Variants in NEK7 observed in about 807,000 individuals in gnomAD.
The protein encoded by NEK7 is serine/threonine-protein kinase Nek7.
Under a neutral mutation model 44.6 loss-of-function variants are expected in NEK7, and 18 were observed. The observed-to-expected ratio is 0.40, with a 90% confidence interval of 0.28 to 0.60. The LOEUF is 0.60. NEK7 is among the 20% of genes least tolerant of loss of function. NEK7 has a pLI of 0.38. For missense variants in NEK7, 256 were observed against 366.5 expected, an observed-to-expected ratio of 0.70 and a Z score of 2.46; for synonymous variants, 130 against 121.1, an observed-to-expected ratio of 1.07 and a Z score of -0.48.
At position 198,212,237 on chromosome 1, in the gene NEK7, C is replaced by CTGTA. The variant is rs150478586; in HGVS notation, c.-28-20315_-28-20312dup. On this transcript the variant is annotated intron_variant, in intron 1 of 9. Transcript: ENST00000367385. ...AACCGATGAGCAAACGAAAGGTGTGCTGTAGCCACAGGTGCAGGAGCTGGA... is the reference window on the plus strand; with the variant it reads ...AACCGATGAGCAAACGAAAGGTGTGCTGTATGTAGCCACAGGTGCAGGAGCTGGA... Among the ~76,000 whole-genome samples, 663 of 152,252 alleles carry CTGTA rather than the reference C, an allele frequency of 4.4e-3. 8 individuals are homozygous for CTGTA. Among genetic ancestry groups the CTGTA allele is most frequent in the African/African-American group, 0.016 (645 of 41,536 alleles).
At chr1:198,160,567 G>GATTA (rs1664075077) in intron 1 of NEK7, among the ~76,000 whole-genome samples, 2 of 152,130 alleles carry the variant, frequency 1.3e-5, no homozygotes, top group Non-Finnish European at 2.9e-5. Context: ...TGCCATGTAT[G>GATTA]ATTACTGTTT....
chr1:198,287,496 T>C (rs983193866), intron 7 of NEK7, among the ~76,000 whole-genome samples: 1 of 152,202 alleles, frequency 6.6e-6, no homozygotes, highest in African/African-American at 2.4e-5. Context: ...TATTTCTTTT[T>C]TGAAGAGATA....
intron 5 of NEK7, among the ~76,000 whole-genome samples, chr1:198,267,274 CTCATTCATTCATTCAT>C (rs61574788): frequency 6.6e-6 from 1 of 151,352 alleles, no homozygotes; most frequent in Non-Finnish European, 1.5e-5. Flanking sequence ...ACACCTGTTC[CTCATTCATTCATTCAT>C]TCATTCATTC....
chr1:198,160,984 C>G (rs999210826), intron 1 of NEK7, among the ~76,000 whole-genome samples: 21 of 152,178 alleles, frequency 1.4e-4, no homozygotes, highest in African/African-American at 5.1e-4. Context: ...GATCATGAAG[C>G]ATTCCTTAAT....
chr1:198,228,990 T>G (rs1666309147), intron 1 of NEK7, among the ~76,000 whole-genome samples: 1 of 152,156 alleles, frequency 6.6e-6, no homozygotes, highest in Non-Finnish European at 1.5e-5. Flanking sequence ...TTCAGTATGA[T>G]TGAAGGTCTT....
intron 1 of NEK7, among the ~76,000 whole-genome samples, chr1:198,166,500 T>A (rs1664273335): frequency 6.6e-6 from 1 of 152,178 alleles, no homozygotes; most frequent in Non-Finnish European, 1.5e-5. Flanking sequence ...TGATTTAAAG[T>A]GAGAGATGGG....
At position 198,310,340 on chromosome 1, in the gene NEK7, A is replaced by G. The variant is rs560960176; in HGVS notation, c.799-9072A>G. The stretch of plus-strand genomic sequence containing the variant: ...TTTGAGTTCATTGTAGATTCTGGAT[A>G]TTAGCCTTTGTCAGATGAGTAGGTT... On this transcript the variant is annotated intron_variant, in intron 9 of 9. Transcript: ENST00000367385. Among the ~76,000 whole-genome samples the G allele has an allele frequency of 1.2e-3, 175 of 151,904 alleles. 1 individual carries two copies. Among genetic ancestry groups the G allele is most frequent in the Non-Finnish European group, 2.1e-3 (145 of 68,002 alleles).
chr1:198,297,370 C>A, intron 9 of NEK7, 130 bp downstream of exon 9: 1 of 1,131,424 alleles, frequency 8.8e-7, no homozygotes. Flanking sequence ...CTTTTTAATT[C>A]TGTTTTCATT....
chr1:198,197,731 G>A, intron 1 of NEK7: 1 of 579,480 alleles, frequency 1.7e-6, no homozygotes, highest in South Asian at 1.7e-5. Flanking sequence ...GAAGTTCGAT[G>A]GGAGAACAGA....
intron 5 of NEK7, among the ~76,000 whole-genome samples, chr1:198,264,920 A>G (rs1653599892): frequency 6.6e-6 from 1 of 152,046 alleles, no homozygotes. Flanking sequence ...GATTGAATTA[A>G]TTAGTATTTA....
chr1:198,292,182 G>T (rs1285364142), intron 7 of NEK7, among the ~76,000 whole-genome samples: 1 of 151,930 alleles, frequency 6.6e-6, no homozygotes, highest in Non-Finnish European at 1.5e-5. Flanking sequence ...ACTTCAAAGT[G>T]TAACATATAT....
chr1:198,311,609 C>T (rs965389839), intron 9 of NEK7, among the ~76,000 whole-genome samples: 43 of 151,864 alleles, frequency 2.8e-4, no homozygotes, highest in African/African-American at 9.9e-4. Context: ...TGAGATATGT[C>T]CCATCAATAC....
At chr1:198,235,684 A>G (rs1276322722) in intron 2 of NEK7, among the ~76,000 whole-genome samples, 1 of 152,206 alleles carries the variant, frequency 6.6e-6, no homozygotes, top group Non-Finnish European at 1.5e-5. Flanking sequence ...TGGTAGAGTC[A>G]CATTTTTTTC....
At chr1:198,215,315 C>T (rs1035889080) in intron 1 of NEK7, among the ~76,000 whole-genome samples, 1 of 152,040 alleles carries the variant, frequency 6.6e-6, no homozygotes, top group African/African-American at 2.4e-5. Context: ...GGAACAGTAC[C>T]TCACATCTCA....
rs1017835771 is a variant in NEK7, at chr1:198,319,952, T to C, written c.*430T>C. On this transcript the variant is annotated 3_prime_UTR_variant, in exon 10 of 10. Transcript: ENST00000367385. ...TTTATGGACATTGAGATGAACACAA[T>C]TGTGAACTTTTGTGAAGATTTTATT... 2 of 152,698 alleles carry C rather than the reference T, an allele frequency of 1.3e-5. No homozygotes were observed. Among genetic ancestry groups the C allele is most frequent in the African/African-American group, 4.8e-5 (2 of 41,468 alleles). 9.5% of individuals were successfully genotyped at this position (152,698 alleles called of 1,614,324 possible). A position where few individuals can be genotyped will look rare whatever the true frequency, so the allele number is the denominator to read the frequency against.
At chr1:198,290,418 T>G (rs1654516965) in intron 7 of NEK7, among the ~76,000 whole-genome samples, 1 of 152,182 alleles carries the variant, frequency 6.6e-6, no homozygotes, top group South Asian at 2.1e-4. Flanking sequence ...ATCACTGCAT[T>G]TAAATGTACT....
At chr1:198,268,393 A>G (rs907630756) in intron 5 of NEK7, among the ~76,000 whole-genome samples, 2 of 151,610 alleles carry the variant, frequency 1.3e-5, no homozygotes, top group African/African-American at 2.4e-5. Flanking sequence ...CTTTTTTTTG[A>G]CATTTCACTC....
At chr1:198,157,500 C>T (rs1400760492) in intron 1 of NEK7, among the ~76,000 whole-genome samples, 2 of 152,178 alleles carry the variant, frequency 1.3e-5, no homozygotes, top group Admixed American at 6.5e-5. Context: ...AAACTTCATA[C>T]CTGGCCCCGG....
chr1:198,186,144 CAG>C (rs1456297996), intron 1 of NEK7, among the ~76,000 whole-genome samples: 2 of 152,106 alleles, frequency 1.3e-5, no homozygotes, highest in Admixed American at 6.6e-5. Flanking sequence ...AAATGATCAA[CAG>C]AAATTATTTT....
Sources: gnomAD v4.1 joint callset for allele counts (sites outside exome capture counted in the v4.1 genomes callset) on GRCh38, gnomAD v4.1.1 for gene constraint, MANE v1.5 for transcripts, NCBI Gene and HGNC (gene_info 2026-07-23, HGNC 2026-07-21) for gene names.